SOX6: variants seen among roughly 807,000 people sequenced by gnomAD.
SOX6 encodes SRY-box transcription factor 6, also known as transcription factor SOX-6.
Under a neutral mutation model 97.8 loss-of-function variants are expected in SOX6, and 11 were observed. The ratio of observed to expected loss-of-function variants is 0.11; its 90% CI spans 0.07 to 0.19. SOX6 has a LOEUF of 0.19. Ranked by LOEUF, SOX6 falls within the 10% of genes least tolerant of loss-of-function variation. The pLI is 1.00. For synonymous variants in SOX6, 360 were observed against 371.4 expected (o/e 0.97, Z 0.35); for missense variants, 810 against 1,039.5 (o/e 0.78, Z 3.04).
intron 4 of SOX6, among the ~76,000 whole-genome samples, chr11:16,538,127 C>A (rs1478249714): frequency 6.6e-6 from 1 of 152,126 alleles, no homozygotes; most frequent in Non-Finnish European, 1.5e-5. Flanking sequence ...CAGCAGATCT[C>A]TCTGCAGAAA....
chr11:16,480,578 T>C (rs1480407877), upstream of SOX6, among the ~76,000 whole-genome samples: 1 of 152,112 alleles, frequency 6.6e-6, no homozygotes, highest in East Asian at 1.9e-4. Flanking sequence ...TTAAAAGCTT[T>C]CAAGCTACAT....
intron 1 of SOX6, among the ~76,000 whole-genome samples, chr11:16,411,220 C>G (rs184635693): frequency 3.1e-4 from 47 of 152,292 alleles, no homozygotes; most frequent in African/African-American, 1.1e-3. Flanking sequence ...AGTGTGCATG[C>G]TATTCCAAAT....
At chr11:15,975,567 A>G (rs1318168709) in intron 15 of SOX6, among the ~76,000 whole-genome samples, 4 of 152,212 alleles carry the variant, frequency 2.6e-5, no homozygotes, top group Admixed American at 2.6e-4. Flanking sequence ...GGTCTACTGA[A>G]TAAATTTAAA....
chr11:16,243,536 C>T (rs1853253488), intron 3 of SOX6, among the ~76,000 whole-genome samples: 1 of 151,744 alleles, frequency 6.6e-6, no homozygotes, highest in Non-Finnish European at 1.5e-5. Context: ...ATATAATTTA[C>T]ATATAATAAA....
At chr11:16,584,133 A>G (rs1848066656) in intron 4 of SOX6, among the ~76,000 whole-genome samples, 1 of 152,198 alleles carries the variant, frequency 6.6e-6, no homozygotes, top group South Asian at 2.1e-4. Flanking sequence ...TAAACAATGA[A>G]CAAACAGACA....
intron 9 of SOX6, among the ~76,000 whole-genome samples, chr11:16,086,516 C>T (rs1039028969): frequency 3.9e-5 from 6 of 152,134 alleles, no homozygotes; most frequent in Admixed American, 2.0e-4. Context: ...ATGCAGCAGG[C>T]GCTCCATCCC....
At chr11:16,352,345 A>G (rs950439584) in intron 1 of SOX6, among the ~76,000 whole-genome samples, 1 of 151,938 alleles carries the variant, frequency 6.6e-6, no homozygotes, top group Non-Finnish European at 1.5e-5. Flanking sequence ...ATACATAGAT[A>G]ATTTTTACTA....
intron 6 of SOX6, among the ~76,000 whole-genome samples, chr11:16,154,185 A>G (rs1411070448): frequency 1.3e-5 from 2 of 152,110 alleles, no homozygotes; most frequent in African/African-American, 4.8e-5. Flanking sequence ...GATACCTTAC[A>G]TATCTTAATA....
At chr11:16,499,509 A>G (rs1454216592) in intron 4 of SOX6, among the ~76,000 whole-genome samples, 1 of 152,192 alleles carries the variant, frequency 6.6e-6, no homozygotes, top group Non-Finnish European at 1.5e-5. Flanking sequence ...CAAAAAATCA[A>G]TGAATCCAGG....
At chr11:16,494,953 C>G (rs559954662) in intron 4 of SOX6, among the ~76,000 whole-genome samples, 2 of 152,166 alleles carry the variant, frequency 1.3e-5, no homozygotes, top group Admixed American at 1.3e-4. Flanking sequence ...TAAGCAACTA[C>G]AGCAAGATGC....
At chr11:16,337,830 C>T (rs1856508981) in intron 2 of SOX6, among the ~76,000 whole-genome samples, 2 of 152,184 alleles carry the variant, frequency 1.3e-5, no homozygotes, top group African/African-American at 4.8e-5. Flanking sequence ...TTTGCTTATG[C>T]CATTACAAAT....
intron 4 of SOX6, among the ~76,000 whole-genome samples, chr11:16,202,418 A>G (rs1195999679): frequency 6.6e-6 from 1 of 152,198 alleles, no homozygotes; most frequent in Non-Finnish European, 1.5e-5. Context: ...TGAAATCTAG[A>G]TAAGACTTCC....
chr11:16,581,410 T>C (rs560314660), intron 4 of SOX6, among the ~76,000 whole-genome samples: 1 of 152,008 alleles, frequency 6.6e-6, no homozygotes, highest in South Asian at 2.1e-4. Flanking sequence ...TGAGAACACA[T>C]GGACACAGGG....
At chr11:16,241,108 T>C (rs924107332) in intron 3 of SOX6, among the ~76,000 whole-genome samples, 3 of 152,098 alleles carry the variant, frequency 2.0e-5, no homozygotes, top group African/African-American at 7.2e-5. Context: ...ATGCTGGTTT[T>C]CCTTTCCTCC....
chr11:16,188,696 T>C (rs538006702), intron 4 of SOX6, among the ~76,000 whole-genome samples: 18 of 152,170 alleles, frequency 1.2e-4, no homozygotes, highest in Middle Eastern at 3.2e-3. Context: ...TCAGGTACTA[T>C]AACAAGAACT....
chr11:16,049,468 C>A (rs12099171), intron 11 of SOX6, among the ~76,000 whole-genome samples: 3,652 of 152,170 alleles, frequency 0.024, 146 homozygotes, highest in African/African-American at 0.083. Context: ...GAAAAATTAT[C>A]TCAGTGTCAA....
At chr11:16,090,436 T>C (rs1455108) in intron 9 of SOX6, among the ~76,000 whole-genome samples, 1 of 152,066 alleles carries the variant, frequency 6.6e-6, no homozygotes, top group East Asian at 1.9e-4. Flanking sequence ...TCTGCTTCAC[T>C]GACTACAATG....
intron 3 of SOX6, among the ~76,000 whole-genome samples, chr11:16,306,698 T>C (rs576274417): frequency 6.6e-6 from 1 of 151,150 alleles, no homozygotes; most frequent in East Asian, 2.0e-4. Flanking sequence ...CGATCTTGGT[T>C]CACTGCAGCC....
chr11:16,061,349 C>A (rs899270126), intron 9 of SOX6, among the ~76,000 whole-genome samples: 1 of 146,830 alleles, frequency 6.8e-6, no homozygotes, highest in Non-Finnish European at 1.5e-5. Flanking sequence ...GGTGAAAAAT[C>A]TGTACAAGGA....
Sources: gnomAD v4.1 joint callset for allele counts (sites outside exome capture counted in the v4.1 genomes callset) on GRCh38, gnomAD v4.1.1 for gene constraint, MANE v1.5 for transcripts, NCBI Gene and HGNC (gene_info 2026-07-23, HGNC 2026-07-21) for gene names.